Variants in UBN1 observed in about 807,000 individuals in gnomAD.
UBN1 encodes the protein ubinuclein 1.
In UBN1, 17 loss-of-function variants were observed where a neutral mutation model predicts 108.5. The ratio of observed to expected loss-of-function variants is 0.16; its 90% CI spans 0.11 to 0.24. The LOEUF (loss-of-function observed/expected upper bound fraction) is 0.24, where lower values mean the gene tolerates loss of function less well. Among genes scored for constraint, UBN1 ranks in the 10% least tolerant of loss-of-function variants. The pLI is 1.00. For synonymous variants in UBN1, 726 were observed against 564.2 expected, an observed-to-expected ratio of 1.29 and a Z score of -4.07; for missense variants, 1,595 against 1,394.4, an observed-to-expected ratio of 1.14 and a Z score of -2.29.
At chr16:4,854,286 GC>G (rs1383464264) in intron 2 of UBN1, among the ~76,000 whole-genome samples, 1 of 151,460 alleles carries the variant, frequency 6.6e-6, no homozygotes, top group Non-Finnish European at 1.5e-5. Context: ...ACCCACCTTG[GC>G]CTCTCAAAGT....
chr16:4,869,602 C>G (rs1596509932), intron 8 of UBN1, among the ~76,000 whole-genome samples: 1 of 152,200 alleles, frequency 6.6e-6, no homozygotes, highest in South Asian at 2.1e-4. Flanking sequence ...ACCACATGGC[C>G]TCGCCTGGCC....
chr16:4,847,656 G>T lies in UBN1; in HGVS notation c.-594G>T, dbSNP rs1567859230. Reference sequence around the variant, plus strand: ...CTCGGCGCTTCCGTTACGCCCGTTGGTCCGGCGCGGGCCCCGGGGCCATTC... The same window carrying T: ...CTCGGCGCTTCCGTTACGCCCGTTGTTCCGGCGCGGGCCCCGGGGCCATTC... On this transcript the variant is annotated 5_prime_UTR_variant, in exon 1 of 18. Transcript: ENST00000262376. The T allele has an allele frequency of 1.8e-5, 4 of 216,238 alleles. No homozygotes were observed. Among genetic ancestry groups the T allele is most frequent in the Non-Finnish European group, 1.8e-5 (2 of 109,936 alleles). 13.4% of individuals were successfully genotyped at this position (216,238 alleles called of 1,614,324 possible). A position where few individuals can be genotyped will look rare whatever the true frequency, so the allele number is the denominator to read the frequency against.
At chr16:4,869,993 T>G (rs991878028) in intron 8 of UBN1, among the ~76,000 whole-genome samples, 1 of 152,224 alleles carries the variant, frequency 6.6e-6, no homozygotes, top group Non-Finnish European at 1.5e-5. Context: ...CTAAGAGCCT[T>G]GGCCCACATT....
Position 4,880,150 on chromosome 16 carries a change from C to T in UBN1, c.*18C>T, listed in dbSNP as rs74003533. 4.4e-4 allele frequency: 712 copies of T among 1,613,864 alleles called. 3 individuals carry two copies. The African/African-American group carries it at 8.1e-3, about 18-fold the overall frequency. ...AATTGTGACCGCTTCAGAGGCAAGGCTTGCCACTTGGGTCTGGGTGGAATC... is the reference window on the plus strand; with the variant it reads ...AATTGTGACCGCTTCAGAGGCAAGGTTTGCCACTTGGGTCTGGGTGGAATC... On this transcript the variant is annotated 3_prime_UTR_variant, in exon 18 of 18. Transcript: ENST00000262376.
At chr16:4,875,586 TG>T in intron 15 of UBN1, 152 bp downstream of exon 15, 4 of 1,197,202 alleles carry the variant, frequency 3.3e-6, no homozygotes, top group Non-Finnish European at 4.6e-6. Context: ...CTGGGCTCCC[TG>T]TTCTCAGGTA....
rs1290378730 is a variant in UBN1, at chr16:4,882,372, A to ACTCT, written c.*2241_*2244dup. ...CAAGGTTTCCAAAACATTTTTTCTC[A>ACTCT]CTCTTTTCTTTCTACCATGTGGAAG... On this transcript the variant is annotated 3_prime_UTR_variant, in exon 18 of 18. Transcript: ENST00000262376. The ACTCT allele has an allele frequency of 2.7e-5, 4 of 146,858 alleles. No homozygotes were observed. Among genetic ancestry groups the ACTCT allele is most frequent in the African/African-American group, 1.0e-4 (4 of 38,458 alleles). The allele number at this position is 146,858 out of a possible 1,614,324, so 9.1% of individuals were successfully genotyped here.
Position 4,874,583 on chromosome 16 carries a change from G to A in UBN1, c.2173G>A (p.Ala725Thr). 6.2e-7 allele frequency: 1 copy of A among 1,614,230 alleles called. No homozygotes were observed. Residue 725 changes from alanine (A) to threonine (T), a missense_variant, in exon 15 of 18, where the codon GCT becomes ACT. Physicochemically the swap from Ala to Thr is moderately conservative, Grantham distance 58. Transcript: ENST00000262376. ...KRNFAKPSPS[A>T]PPPASSLQSP... ...GAACTTTGCGAAGCCTAGTCCTTCT[G>A]CTCCACCACCAGCTAGCTCTCTGCA...
intron 2 of UBN1, among the ~76,000 whole-genome samples, chr16:4,854,579 T>TG (rs1403267211): frequency 6.7e-6 from 1 of 149,322 alleles, no homozygotes; most frequent in Non-Finnish European, 1.5e-5. Flanking sequence ...TAGGCCATGC[T>TG]GGTCTCCAAC....
intron 1 of UBN1, among the ~76,000 whole-genome samples, chr16:4,849,685 C>T (rs996282208): frequency 5.9e-5 from 9 of 151,542 alleles, no homozygotes; most frequent in African/African-American, 2.2e-4. Context: ...TGGACCTTCC[C>T]AGTCTAAAGC....
intron 15 of UBN1, among the ~76,000 whole-genome samples, chr16:4,876,036 G>A (rs551310843): frequency 2.1e-4 from 31 of 150,622 alleles, no homozygotes; most frequent in Middle Eastern, 6.9e-3. Flanking sequence ...TCGGCTCAGC[G>A]CAAGCTCCAC....
In UBN1 at chr16:4,870,520, GC is replaced by G; in HGVS notation, c.1318del (p.Arg440ValfsTer2). ...ARKLHLYEQG[G>X]RLKEPLQKLK... ...ATTGTGTCCCGCTCTTCGCAGGGGG[GC>G]CGTCTGAAGGAGCCTCTCCAGAAGC... On this transcript the variant is annotated frameshift_variant, in exon 10 of 18. Transcript: ENST00000262376. LOFTEE classifies it high-confidence loss of function. 1 of 1,614,196 alleles carries G rather than the reference GC, an allele frequency of 6.2e-7. No individual in the cohort carries two copies. Among genetic ancestry groups the G allele is most frequent in the Non-Finnish European group, 8.5e-7 (1 of 1,180,004 alleles).
At chr16:4,850,675 T>C (rs998051886) in intron 1 of UBN1, among the ~76,000 whole-genome samples, 4 of 152,232 alleles carry the variant, frequency 2.6e-5, no homozygotes, top group African/African-American at 9.6e-5. Flanking sequence ...ATTTTAACTC[T>C]TCATTTGTAG....
Position 4,874,383 on chromosome 16 carries a change from A to G in UBN1, c.1973A>G (p.Glu658Gly). ...GLANPPPVNLEDSLDEDLIRN... is the reference protein window; with the variant it reads ...GLANPPPVNLGDSLDEDLIRN... ...GCTAACCCTCCTCCTGTCAACCTGG[A>G]GGACTCATTGGATGAAGACTTGATC... Residue 658 changes from glutamate (E) to glycine (G), a missense_variant, in exon 15 of 18, where the codon GAG (glutamate) becomes GGG (glycine). Glu to Gly is a moderately conservative substitution (Grantham distance 98). Coordinates refer to ENST00000262376, the MANE Select transcript of UBN1 (RefSeq NM_001079514.3). The G allele has an allele frequency of 1.2e-6, 2 of 1,614,012 alleles. No homozygotes were observed. The highest frequency in any genetic ancestry group is 1.7e-6 in the Non-Finnish European group (2 of 1,180,008).
chr16:4,879,288 T>A (rs2142303363), intron 17 of UBN1, among the ~76,000 whole-genome samples: 1 of 152,234 alleles, frequency 6.6e-6, no homozygotes, highest in East Asian at 1.9e-4. Flanking sequence ...TTATTATGAG[T>A]CAGTTTTTAA....
At chr16:4,849,101 C>T (rs890184859) in intron 1 of UBN1, among the ~76,000 whole-genome samples, 1 of 152,066 alleles carries the variant, frequency 6.6e-6, no homozygotes, top group African/African-American at 2.4e-5. Flanking sequence ...AGACTCGTCC[C>T]CCCGCCAAAA....
At position 4,870,520 on chromosome 16, in the gene UBN1, G is replaced by T. The variant is rs758890796; in HGVS notation, c.1316G>T (p.Gly439Val). The change falls in exon 10 of 18, where the codon GGC becomes GTC. Residue 439 changes from glycine to valine, a missense_variant. Physicochemically the swap from Gly to Val is moderately radical, Grantham distance 109. Transcript: ENST00000262376. ...ARKLHLYEQG[G>V]RLKEPLQKLK... ...ATTGTGTCCCGCTCTTCGCAGGGGG[G>T]CCGTCTGAAGGAGCCTCTCCAGAAG... is the stretch of plus-strand genomic sequence containing the variant. 5 of 1,614,196 alleles carry T rather than the reference G, an allele frequency of 3.1e-6. No individual in the cohort carries two copies. Among genetic ancestry groups the T allele is most frequent in the Admixed American group, 1.7e-5 (1 of 60,026 alleles).
Position 4,874,972 on chromosome 16 carries a change from C to T in UBN1, c.2562C>T (p.Phe854=), listed in dbSNP as rs897101765. 6.2e-7 allele frequency: 1 copy of T among 1,614,186 alleles called. No homozygotes were observed. The highest frequency in any genetic ancestry group is 1.7e-5 in the Admixed American group (1 of 60,026). ...AGACAGCGGCCAAAGGCCAGGGCTT[C>T]CATCCCTCTGCACCAGCCACCTCAG... ...LVKTAAKGQG[F]HPSAPATSGG... is the part of the protein sequence containing the mutation. Residue 854 remains phenylalanine (F), a synonymous_variant, in exon 15 of 18, where the codon TTC becomes TTT. Transcript: ENST00000262376.
intron 1 of UBN1, among the ~76,000 whole-genome samples, chr16:4,849,086 G>A (rs2086383316): frequency 6.6e-6 from 1 of 152,080 alleles, no homozygotes; most frequent in African/African-American, 2.4e-5. Context: ...GCGACAGAGC[G>A]AGCGAGACTC....
In UBN1 at chr16:4,870,262, A is replaced by T; in HGVS notation, c.1232A>T (p.Tyr411Phe). ...ELSSQVRSGV[Y>F]AYLASFLPCS... is the part of the protein sequence containing the mutation. ...AGCAGTCAGGTCCGCTCTGGGGTGT[A>T]TGCCTATCTTGCGTCATTCCTGCCC... Residue 411 changes from tyrosine (Y) to phenylalanine (F), a missense_variant, in exon 9 of 18, where the codon TAT becomes TTT. This residue lies in a region of UBN1 where 1,398 missense variants were observed against 1,194.7 expected (regional missense o/e 1.17). Transcript: ENST00000262376. The T allele has an allele frequency of 1.2e-6, 2 of 1,614,200 alleles. No homozygotes were observed. The highest frequency in any genetic ancestry group is 1.7e-6 in the Non-Finnish European group (2 of 1,180,034).
Sources: allele counts gnomAD v4.1 joint callset (sites outside exome capture counted in the v4.1 genomes callset), GRCh38; gene constraint gnomAD v4.1.1; regional missense constraint gnomAD v4.1.1; transcripts MANE v1.5; gene names NCBI Gene and HGNC (gene_info 2026-07-23, HGNC 2026-07-21).